DGKH: variants seen among roughly 807,000 people sequenced by gnomAD.
The protein encoded by DGKH is DAG kinase eta.
In DGKH, 90 loss-of-function variants were observed where a neutral mutation model predicts 159.3. The observed-to-expected ratio is 0.57, with a 90% confidence interval of 0.48 to 0.67. DGKH has a LOEUF of 0.67. DGKH is among the 30% of genes least tolerant of loss of function. DGKH has a pLI of 0.00. For missense variants in DGKH, 1,181 were observed against 1,506.1 expected, an observed-to-expected ratio of 0.78 and a Z score of 3.57; for synonymous variants, 536 against 553.8, an observed-to-expected ratio of 0.97 and a Z score of 0.45.
intron 1 of DGKH, among the ~76,000 whole-genome samples, chr13:42,051,492 A>C (rs2137641590): frequency 6.6e-6 from 1 of 152,216 alleles, no homozygotes; most frequent in African/African-American, 2.4e-5. Flanking sequence ...AGAACTACTA[A>C]ATTTAACGTT....
intron 3 of DGKH, among the ~76,000 whole-genome samples, chr13:42,144,194 A>T (rs1955657470): frequency 6.6e-6 from 1 of 152,168 alleles, no homozygotes; most frequent in Non-Finnish European, 1.5e-5. Context: ...GAAAGCCAGA[A>T]TCTTTGGTGT....
chr13:42,166,772 A>T (rs7329496), intron 9 of DGKH, 98 bp downstream of exon 9: 131,175 of 1,070,200 alleles, frequency 0.12, 10,749 homozygotes, highest in East Asian at 0.44. Context: ...ATTCCTCTAG[A>T]TCCCTCCCTC....
At chr13:42,047,998 C>G (rs1247684852), upstream of DGKH, among the ~76,000 whole-genome samples, 1 of 150,588 alleles carries the variant, frequency 6.6e-6, no homozygotes, top group African/African-American at 2.4e-5. Flanking sequence ...GGAAAATGCT[C>G]TTCTCTTCCG....
chr13:42,066,839 G>GA (rs1361006231), intron 1 of DGKH: 1 of 152,064 alleles, frequency 6.6e-6, no homozygotes, highest in African/African-American at 2.4e-5. Flanking sequence ...GTGCATTATT[G>GA]AAAAAATATG....
chr13:42,071,765 C>T (rs1882984185), intron 1 of DGKH, among the ~76,000 whole-genome samples: 1 of 152,210 alleles, frequency 6.6e-6, no homozygotes, highest in South Asian at 2.1e-4. Context: ...GCAGGCCCCG[C>T]GGACAGCCCC....
intron 1 of DGKH, among the ~76,000 whole-genome samples, chr13:42,114,823 A>G (rs1294516658): frequency 1.3e-5 from 2 of 152,222 alleles, no homozygotes; most frequent in Admixed American, 6.5e-5. Flanking sequence ...ATCCAAATAG[A>G]AGCATTAGGC....
intron 18 of DGKH, 62 bp downstream of exon 18, chr13:42,198,657 A>G (rs1957269854): frequency 7.9e-7 from 1 of 1,268,180 alleles, no homozygotes; most frequent in Admixed American, 2.0e-5. Flanking sequence ...TTTTTTCAAC[A>G]TGAACTGTAA....
rs1409151760 is a variant in DGKH at position 42,237,789 on chromosome 13, G to A, written c.*8601G>A. Reference sequence around the variant, plus strand: ...TTCTCATCTCAGTGATTGATGTCTGGAGAACTAGTCAGACACACTTAGCTG... The same window carrying A: ...TTCTCATCTCAGTGATTGATGTCTGAAGAACTAGTCAGACACACTTAGCTG... On this transcript the variant is annotated 3_prime_UTR_variant, in exon 30 of 30. Coordinates refer to ENST00000337343, the MANE Select transcript of DGKH (RefSeq NM_178009.5). The A allele has an allele frequency of 6.6e-6, 1 of 152,162 alleles. No homozygotes were observed. The highest frequency in any genetic ancestry group is 2.4e-5 in the African/African-American group (1 of 41,434). The allele number at this position is 152,162 out of a possible 1,614,324, so 9.4% of individuals were successfully genotyped here. A position where few individuals can be genotyped will look rare whatever the true frequency, so the allele number is the denominator to read the frequency against.
At chr13:42,171,828 CTTT>C (rs541194131) in intron 11 of DGKH, among the ~76,000 whole-genome samples, 44 of 102,414 alleles carry the variant, frequency 4.3e-4, no homozygotes, top group Admixed American at 8.1e-4. Flanking sequence ...ATATAAATTT[CTTT>C]TTTTTTTTTT....
At chr13:42,224,803 T>C (rs936433216) in intron 29 of DGKH, among the ~76,000 whole-genome samples, 3 of 152,252 alleles carry the variant, frequency 2.0e-5, no homozygotes, top group African/African-American at 7.2e-5. Flanking sequence ...CTTCACCTGG[T>C]TAACTCCTGC....
At chr13:42,108,995 A>G (rs1954812125) in intron 1 of DGKH, among the ~76,000 whole-genome samples, 1 of 152,242 alleles carries the variant, frequency 6.6e-6, no homozygotes, top group Non-Finnish European at 1.5e-5. Flanking sequence ...AGATATGCCA[A>G]CGGGAAGGAA....
At chr13:42,161,496 A>C (rs1484833407) in intron 7 of DGKH, among the ~76,000 whole-genome samples, 3 of 148,732 alleles carry the variant, frequency 2.0e-5, no homozygotes, top group Non-Finnish European at 4.5e-5. Context: ...AAAATACAAA[A>C]ATTAGCTGGG....
At chr13:42,225,743 A>C (rs1210188908) in intron 29 of DGKH, among the ~76,000 whole-genome samples, 1 of 149,890 alleles carries the variant, frequency 6.7e-6, no homozygotes, top group Non-Finnish European at 1.5e-5. Context: ...ACTGCACTCC[A>C]GCCTGAGTGA....
chr13:42,165,379 C>G lies in DGKH; in HGVS notation c.904C>G (p.Gln302Glu). 6.3e-7 allele frequency: 1 copy of G among 1,594,060 alleles called. No individual in the cohort carries two copies. The highest frequency in any genetic ancestry group is 1.4e-5 in the African/African-American group (1 of 73,810). Residue 302 changes from glutamine (Q) to glutamate (E), a missense_variant, in exon 8 of 30, where the codon CAA becomes GAA. By Grantham distance (29) the Gln-to-Glu change is conservative. Around this residue, in one of 5 missense-constraint regions of DGKH, gnomAD observed 369 missense variants for 519.4 expected, o/e 0.71. Transcript: ENST00000337343. Reference protein sequence around the residue: ...DLYHPICPLGQCKVSIIPPIA... With the variant: ...DLYHPICPLGECKVSIIPPIA... ...ATACCATCCAATATGTCCACTTGGTCAATGTAAAGTATCTATCATACCTCC... is the reference window on the plus strand; with the variant it reads ...ATACCATCCAATATGTCCACTTGGTGAATGTAAAGTATCTATCATACCTCC...
chr13:42,214,800 C>G (rs1444040670), intron 25 of DGKH, among the ~76,000 whole-genome samples, 188 bp downstream of exon 25: 1 of 152,098 alleles, frequency 6.6e-6, no homozygotes, highest in Admixed American at 6.5e-5. Flanking sequence ...CATTCCTGCT[C>G]TTAAATTCTC....
chr13:42,177,468 C>G (rs1056628681), intron 12 of DGKH, among the ~76,000 whole-genome samples: 9 of 152,114 alleles, frequency 5.9e-5, no homozygotes, highest in African/African-American at 1.4e-4. Context: ...TAGTGCATGT[C>G]TTTTGGTGAA....
chr13:42,061,987 G>GT (rs1380791855), intron 1 of DGKH, among the ~76,000 whole-genome samples: 4,403 of 139,756 alleles, frequency 0.032, 129 homozygotes, highest in East Asian at 0.17. Flanking sequence ...GTGTGTGTGT[G>GT]GGTGTGTGTG....
intron 1 of DGKH, among the ~76,000 whole-genome samples, chr13:42,093,086 A>G (rs1954451628): frequency 6.6e-6 from 1 of 152,002 alleles, no homozygotes; most frequent in Admixed American, 6.6e-5. Context: ...TCTACTAAAA[A>G]TGCAAAAATT....
chr13:42,249,977 G>GTT (rs1555284476), intron 29 of DGKH, among the ~76,000 whole-genome samples: 2 of 141,672 alleles, frequency 1.4e-5, no homozygotes, highest in Non-Finnish European at 3.1e-5. Flanking sequence ...TTGTTTTTTT[G>GTT]TTTTTTTTTT....
Sources: gnomAD v4.1 joint callset for allele counts (sites outside exome capture counted in the v4.1 genomes callset) on GRCh38, gnomAD v4.1.1 for gene constraint, gnomAD v4.1.1 regional missense constraint, MANE v1.5 for transcripts, NCBI Gene and HGNC (gene_info 2026-07-23, HGNC 2026-07-21) for gene names.